PDGFC: variants seen among roughly 807,000 people sequenced by gnomAD.
PDGFC encodes the protein platelet-derived growth factor C.
PDGFC carries 12 observed loss-of-function variants against 35.5 expected under a neutral mutation model. The ratio of observed to expected loss-of-function variants is 0.34; its 90% CI spans 0.22 to 0.55. The LOEUF (loss-of-function observed/expected upper bound fraction) is 0.55. Among genes scored for constraint, PDGFC ranks in the 20% least tolerant of loss-of-function variants. The pLI is 0.91. For synonymous variants in PDGFC, 159 were observed against 148.8 expected (o/e 1.07, Z -0.50); for missense variants, 322 against 412.4 (o/e 0.78, Z 1.90).
intron 1 of PDGFC, among the ~76,000 whole-genome samples, chr4:156,873,461 T>C (rs1423353388): frequency 6.6e-6 from 1 of 152,168 alleles, no homozygotes; most frequent in African/African-American, 2.4e-5. Flanking sequence ...AAGCACTACA[T>C]AAAAGGGCAT....
intron 1 of PDGFC, among the ~76,000 whole-genome samples, chr4:156,941,335 T>C (rs1301127992): frequency 1.3e-5 from 2 of 152,110 alleles, no homozygotes; most frequent in Non-Finnish European, 2.9e-5. Context: ...TGATTGAAAA[T>C]GAAATATCCT....
intron 1 of PDGFC, among the ~76,000 whole-genome samples, chr4:156,904,816 A>G (rs1730875245): frequency 6.6e-6 from 1 of 152,072 alleles, no homozygotes; most frequent in Non-Finnish European, 1.5e-5. Flanking sequence ...TGACATATCT[A>G]CACTTAAATG....
At chr4:156,786,321 A>G (rs1180545324) in intron 3 of PDGFC, among the ~76,000 whole-genome samples, 3 of 152,216 alleles carry the variant, frequency 2.0e-5, no homozygotes, top group African/African-American at 7.2e-5. Context: ...GGTAAAGTGT[A>G]TTGCAGGAAA....
At chr4:156,794,109 G>A (rs1006109632) in intron 3 of PDGFC, among the ~76,000 whole-genome samples, 1 of 152,096 alleles carries the variant, frequency 6.6e-6, no homozygotes, top group Non-Finnish European at 1.5e-5. Flanking sequence ...GATTATGGCA[G>A]CTTGTAAGGA....
intron 2 of PDGFC, among the ~76,000 whole-genome samples, chr4:156,849,140 A>G (rs1729393339): frequency 6.6e-6 from 1 of 152,044 alleles, no homozygotes; most frequent in Non-Finnish European, 1.5e-5. Flanking sequence ...TGGGTTTAGC[A>G]TTTGTTTAGG....
chr4:156,794,053 T>C (rs917018929), intron 3 of PDGFC, among the ~76,000 whole-genome samples: 10 of 152,166 alleles, frequency 6.6e-5, no homozygotes, highest in African/African-American at 1.9e-4. Context: ...ATTTGTATCA[T>C]AAAACATTGT....
intron 3 of PDGFC, chr4:156,778,162 G>A (rs1302655356): frequency 3.0e-6 from 1 of 329,252 alleles, no homozygotes; most frequent in Non-Finnish European, 6.4e-6. Flanking sequence ...AAAAACCTGT[G>A]AGGTGAGCAC....
chr4:156,909,995 C>T (rs1731002506), intron 1 of PDGFC, among the ~76,000 whole-genome samples: 1 of 152,082 alleles, frequency 6.6e-6, no homozygotes, highest in African/African-American at 2.4e-5. Context: ...ACAAGCCAAG[C>T]AATGTCAAAT....
At chr4:156,949,679 C>T (rs564848316) in intron 1 of PDGFC, among the ~76,000 whole-genome samples, 2 of 152,016 alleles carry the variant, frequency 1.3e-5, no homozygotes, top group South Asian at 4.1e-4. Flanking sequence ...ATTTTCTACA[C>T]TGTGCAAAGC....
intron 2 of PDGFC, among the ~76,000 whole-genome samples, chr4:156,835,051 A>G (rs2111035079): frequency 6.6e-6 from 1 of 152,288 alleles, no homozygotes; most frequent in South Asian, 2.1e-4. Context: ...GTAAAATGTT[A>G]TATTACTCAT....
chr4:156,951,614 G>A (rs556493916), intron 1 of PDGFC, among the ~76,000 whole-genome samples: 1 of 151,494 alleles, frequency 6.6e-6, no homozygotes, highest in Admixed American at 6.6e-5. Flanking sequence ...AATGAAAAGA[G>A]GGCATCCTCT....
intron 1 of PDGFC, among the ~76,000 whole-genome samples, chr4:156,954,531 A>G (rs1439913570): frequency 1.3e-5 from 2 of 152,020 alleles, no homozygotes; most frequent in Admixed American, 6.6e-5. Context: ...CTGAAAATGA[A>G]CTTGCGATGG....
intron 3 of PDGFC, 96 bp from the exon 4 acceptor site, chr4:156,772,989 T>C (rs1560805285): frequency 2.5e-6 from 2 of 786,592 alleles, no homozygotes; most frequent in Non-Finnish European, 2.1e-6. Context: ...AGGCTGGAAA[T>C]ATGTGTGAAG....
intron 2 of PDGFC, among the ~76,000 whole-genome samples, chr4:156,812,812 T>A (rs1356619404): frequency 2.0e-5 from 3 of 152,080 alleles, no homozygotes; most frequent in African/African-American, 7.2e-5. Flanking sequence ...TAAAACATTG[T>A]TTGCACAGAG....
intron 4 of PDGFC, among the ~76,000 whole-genome samples, chr4:156,769,631 A>T (rs2110805153): frequency 6.6e-6 from 1 of 152,084 alleles, no homozygotes; most frequent in South Asian, 2.1e-4. Context: ...TCTGAAAATG[A>T]TCCTGTGAAG....
At chr4:156,847,526 A>G (rs1428709445) in intron 2 of PDGFC, among the ~76,000 whole-genome samples, 3 of 151,892 alleles carry the variant, frequency 2.0e-5, no homozygotes, top group Non-Finnish European at 4.4e-5. Flanking sequence ...ACTAAATGCA[A>G]TGAGTTTAAT....
At chr4:156,851,276 A>C (rs964635671) in intron 1 of PDGFC, among the ~76,000 whole-genome samples, 3 of 152,228 alleles carry the variant, frequency 2.0e-5, no homozygotes, top group African/African-American at 7.2e-5. Context: ...TTAGCAGTAC[A>C]TGAAAATATT....
chr4:156,860,367 C>A (rs768695914), intron 1 of PDGFC, among the ~76,000 whole-genome samples: 12 of 152,108 alleles, frequency 7.9e-5, no homozygotes, highest in Non-Finnish European at 7.4e-5. Context: ...GGACCGGCTG[C>A]ATTCACGACC....
intron 2 of PDGFC, among the ~76,000 whole-genome samples, chr4:156,834,054 CCTTA>C (rs1342533232): frequency 6.6e-6 from 1 of 152,118 alleles, no homozygotes; most frequent in African/African-American, 2.4e-5. Context: ...TTTCTTCCTT[CCTTA>C]CTCTCTACTT....
Sources: allele counts gnomAD v4.1 joint callset (sites outside exome capture counted in the v4.1 genomes callset), GRCh38; gene constraint gnomAD v4.1.1; transcripts MANE v1.5; gene names NCBI Gene and HGNC (gene_info 2026-07-23, HGNC 2026-07-21).